The following DCAKD variants were observed in gnomAD, a reference collection of about 807,000 sequenced individuals.
DCAKD encodes dephospho-CoA kinase domain containing.
Under a neutral mutation model 18.7 loss-of-function variants are expected in DCAKD, and 15 were observed. The observed-to-expected ratio is 0.80, with a 90% CI of 0.54 to 1.24. The LOEUF is 1.24. DCAKD is among the 50% of genes most tolerant of loss of function. The probability of loss-of-function intolerance (pLI) is 0.00; values close to 1 mark genes in which losing one functional copy is unlikely to be tolerated. For missense variants in DCAKD, 301 were observed against 322.0 expected, an observed-to-expected ratio of 0.93 and a Z score of 0.50; for synonymous variants, 130 against 133.0, an observed-to-expected ratio of 0.98 and a Z score of 0.16.
intron 3 of DCAKD, chr17:45,031,390 AC>A: frequency 1.0e-6 from 1 of 978,120 alleles, no homozygotes; most frequent in South Asian, 4.7e-5. Flanking sequence ...CCACCATGTG[AC>A]CTTGGGCCCC....
At chr17:45,045,589 G>A (rs549191937) in intron 1 of DCAKD, among the ~76,000 whole-genome samples, 6 of 151,960 alleles carry the variant, frequency 3.9e-5, no homozygotes, top group Non-Finnish European at 7.4e-5. Context: ...AAAGTTAGCC[G>A]GGCGTGGTGG....
intron 1 of DCAKD, among the ~76,000 whole-genome samples, chr17:45,038,348 C>T (rs1280960729): frequency 6.6e-6 from 1 of 152,120 alleles, no homozygotes; most frequent in Admixed American, 6.5e-5. Context: ...TGATGTGTAA[C>T]AGCGCTCAGG....
intron 1 of DCAKD, among the ~76,000 whole-genome samples, chr17:45,041,329 T>C (rs2053430110): frequency 6.6e-6 from 1 of 150,896 alleles, no homozygotes; most frequent in South Asian, 2.1e-4. Flanking sequence ...TTTTTTTTTT[T>C]GAGACGGAGT....
At chr17:45,046,425 G>T (rs1357813583) in intron 1 of DCAKD, among the ~76,000 whole-genome samples, 1 of 152,010 alleles carries the variant, frequency 6.6e-6, no homozygotes, top group African/African-American at 2.4e-5. Flanking sequence ...AGACCAGCCT[G>T]GCCAATATGG....
At chr17:45,050,657 A>G (rs1724676487) in intron 1 of DCAKD, among the ~76,000 whole-genome samples, 1 of 150,296 alleles carries the variant, frequency 6.7e-6, no homozygotes, top group Non-Finnish European at 1.5e-5. Flanking sequence ...ATCTTGATTT[A>G]TTCAGGTAAA....
rs888052460 is a variant in DCAKD at position 45,031,238 on chromosome 17, G to A, written c.317-1059C>T. ...AGTGATGCAGGGACAATGGCGGTGG[G>A]GGGGTGGCAATCTCAGCTGCTTGGT... On this transcript the variant is annotated intron_variant, in intron 3 of 4. Transcript: ENST00000651974. The A allele has an allele frequency of 6.1e-6, 6 of 985,134 alleles. No homozygotes were observed. The Admixed American group carries it at 3.7e-4, about 61-fold the overall frequency. The allele number at this position is 985,134 out of a possible 1,614,324, so 61.0% of individuals were successfully genotyped here. A position where few individuals can be genotyped will look rare whatever the true frequency, so the allele number is the denominator to read the frequency against.
upstream of DCAKD, chr17:45,054,036 T>G (rs953612263): frequency 2.9e-5 from 15 of 513,112 alleles, no homozygotes; most frequent in Non-Finnish European, 5.5e-5. Flanking sequence ...AACATCTTTC[T>G]CAGATCACCT....
intron 2 of DCAKD, 88 bp downstream of exon 2, chr17:45,034,686 G>C: frequency 1.4e-6 from 2 of 1,404,010 alleles, no homozygotes; most frequent in Non-Finnish European, 2.0e-6. Context: ...CCCCTCCTCT[G>C]AGACTTATAA....
rs560520120 is a variant in DCAKD at position 45,058,463 on chromosome 17, A to G, written c.-118+2425T>C. ...GAGACAGAGTCCCACTTTGTCACCC[A>G]GGCTGGAGTGCAGTGGCAGAATCTT... On this transcript the variant is annotated intron_variant, in intron 1 of 4. Transcript: ENST00000310604. Among the ~76,000 whole-genome samples the G allele has an allele frequency of 4.6e-5, 7 of 151,266 alleles. No individual in the cohort carries two copies. The East Asian group carries it at 1.4e-3, about 30-fold the overall frequency.
chr17:45,058,633 G>A (rs1184147195), intron 1 of DCAKD, among the ~76,000 whole-genome samples: 1 of 151,074 alleles, frequency 6.6e-6, no homozygotes, highest in African/African-American at 2.4e-5. Context: ...CGTTGGCCAG[G>A]CTGGTCTCGA....
intron 1 of DCAKD, among the ~76,000 whole-genome samples, chr17:45,042,320 CTTT>C (rs370689790): frequency 7.9e-5 from 12 of 151,772 alleles, no homozygotes; most frequent in Admixed American, 2.0e-4. Flanking sequence ...TTTTTTTCTT[CTTT>C]GAGACAGGGT....
Position 45,024,647 on chromosome 17 carries a change from G to A in DCAKD, c.482C>T (p.Ala161Val), listed in dbSNP as rs769083369. The change falls in exon 5 of 5, where the codon GCC becomes GTC. Residue 161 changes from alanine (A) to valine (V), a missense_variant. By Grantham distance (64) the Ala-to-Val change is moderately conservative. Transcript: ENST00000651974. ...GGCCTTGTCTGTCAGGGGCAGCTGG[G>A]CATTGATGCGGGCCTCTGCGTCCTT... ...NRKDAEARIN[A>V]QLPLTDKARM... 6.2e-7 allele frequency: 1 copy of A among 1,612,820 alleles called. No individual in the cohort carries two copies. The highest frequency in any genetic ancestry group is 1.1e-5 in the South Asian group (1 of 91,054).
chr17:45,026,416 T>A (rs560626430), intron 4 of DCAKD, among the ~76,000 whole-genome samples: 1 of 150,690 alleles, frequency 6.6e-6, no homozygotes, highest in Non-Finnish European at 1.5e-5. Flanking sequence ...TTAGTAGAGA[T>A]GGGGTTTCAC....
intron 2 of DCAKD, 22 bp downstream of exon 2, chr17:45,034,752 C>A (rs188081348): frequency 1.9e-6 from 3 of 1,612,536 alleles, no homozygotes; most frequent in Non-Finnish European, 2.5e-6. Flanking sequence ...GCACGGCCCC[C>A]CAACCTGCCC....
chr17:45,026,965 C>G (rs563125157), intron 4 of DCAKD: 83 of 256,594 alleles, frequency 3.2e-4, no homozygotes, highest in African/African-American at 1.8e-3. Context: ...CAGAAATGGT[C>G]CTATTCTAGT....
intron 3 of DCAKD, 87 bp from the exon 4 acceptor site, chr17:45,030,266 G>C: frequency 8.1e-7 from 1 of 1,232,116 alleles, no homozygotes; most frequent in Non-Finnish European, 1.2e-6. Flanking sequence ...CGTCCAGAGC[G>C]CCCAGCAGAG....
rs982445725 is a variant in DCAKD at position 45,024,149 on chromosome 17, C to T, written c.*284G>A. The T allele has an allele frequency of 1.7e-5, 7 of 408,210 alleles. No individual in the cohort carries two copies. The highest frequency in any genetic ancestry group is 1.4e-4 in the African/African-American group (7 of 51,412). The allele number at this position is 408,210 out of a possible 1,614,324, so 25.3% of individuals were successfully genotyped here. On this transcript the variant is annotated 3_prime_UTR_variant, in exon 5 of 5. Transcript: ENST00000651974. Reference sequence around the variant, plus strand: ...GCAGTCTCTGACTGTTGCTTTCACACACCATCACGGTTGCTGTTCTGTAGG... The same window carrying T: ...GCAGTCTCTGACTGTTGCTTTCACATACCATCACGGTTGCTGTTCTGTAGG...
At chr17:45,025,996 G>A (rs541714666) in intron 4 of DCAKD, among the ~76,000 whole-genome samples, 55 of 151,516 alleles carry the variant, frequency 3.6e-4, no homozygotes, top group Middle Eastern at 3.4e-3. Flanking sequence ...TCTGCTCACT[G>A]TAGCCTCTGT....
At chr17:45,034,155 C>A in intron 3 of DCAKD, 32 bp downstream of exon 3, 5 of 1,477,284 alleles carry the variant, frequency 3.4e-6, no homozygotes, top group Non-Finnish European at 3.8e-6. Flanking sequence ...TGGAAGGAGG[C>A]CCCGCCCCCC....
Sources: gnomAD v4.1 joint callset for allele counts (sites outside exome capture counted in the v4.1 genomes callset) on GRCh38, gnomAD v4.1.1 for gene constraint, MANE v1.5 for transcripts, NCBI Gene and HGNC (gene_info 2026-07-23, HGNC 2026-07-21) for gene names.